The following NOL4 variants were observed in gnomAD, a reference collection of about 807,000 sequenced individuals.
NOL4 encodes the protein nucleolar protein 4.
NOL4 carries 17 observed loss-of-function variants against 75.9 expected under a neutral mutation model. The ratio of observed to expected loss-of-function variants is 0.22; its 90% CI spans 0.15 to 0.34. NOL4 has a LOEUF of 0.34. Among genes scored for constraint, NOL4 ranks in the 10% least tolerant of loss-of-function variants. The probability of loss-of-function intolerance (pLI) is 1.00; values close to 1 mark genes in which losing one functional copy is unlikely to be tolerated. For synonymous variants in NOL4, 292 were observed against 289.9 expected (o/e 1.01, Z -0.07); for missense variants, 614 against 793.5 (o/e 0.77, Z 2.72).
intron 6 of NOL4, among the ~76,000 whole-genome samples, chr18:33,992,478 G>A (rs1257723482): frequency 6.6e-6 from 1 of 151,958 alleles, no homozygotes; most frequent in Non-Finnish European, 1.5e-5. Context: ...TACAGTAAAT[G>A]AGGAAACATC....
intron 10 of NOL4, among the ~76,000 whole-genome samples, chr18:33,864,824 T>A (rs1198692879): frequency 6.6e-6 from 1 of 152,158 alleles, no homozygotes; most frequent in East Asian, 1.9e-4. Context: ...CCCAGGAAAC[T>A]TACAATCATG....
chr18:34,132,532 A>C (rs1161559485), intron 1 of NOL4, among the ~76,000 whole-genome samples: 1 of 152,180 alleles, frequency 6.6e-6, no homozygotes, highest in Non-Finnish European at 1.5e-5. Flanking sequence ...TGTTATGTGG[A>C]CCTGTTTACT....
chr18:34,045,735 A>G (rs1390703923), intron 5 of NOL4, among the ~76,000 whole-genome samples: 1 of 152,216 alleles, frequency 6.6e-6, no homozygotes, highest in Non-Finnish European at 1.5e-5. Flanking sequence ...GAAAATAGAA[A>G]TTGTTGCTAT....
At chr18:34,188,764 C>T (rs937283319) in intron 1 of NOL4, among the ~76,000 whole-genome samples, 1 of 152,256 alleles carries the variant, frequency 6.6e-6, no homozygotes, top group Middle Eastern at 3.4e-3. Flanking sequence ...ATTTTCCCAA[C>T]ATTGTACAGT....
rs568989338 is a variant in NOL4 at position 33,929,484 on chromosome 18, C to A, written c.1542+13581G>T. The stretch of plus-strand genomic sequence containing the variant: ...CAGACTTATAATTTCATTTACCATG[C>A]TAATTTCACTTATCTTTAACAGAAT... On this transcript the variant is annotated intron_variant, in intron 9 of 10. Coordinates refer to ENST00000261592, the MANE Select transcript of NOL4 (RefSeq NM_003787.5). Among the ~76,000 whole-genome samples, 6 of 152,260 alleles carry A rather than the reference C, an allele frequency of 3.9e-5. 1 individual carries two copies. In the South Asian group the frequency reaches 1.0e-3, roughly 26 times the overall value.
intron 9 of NOL4, among the ~76,000 whole-genome samples, chr18:33,887,488 G>C (rs2064817887): frequency 6.6e-6 from 1 of 151,212 alleles, no homozygotes; most frequent in East Asian, 1.9e-4. Context: ...TGTTCCATAG[G>C]AATACATGGG....
chr18:34,216,390 T>C (rs899438888), intron 1 of NOL4, among the ~76,000 whole-genome samples: 3 of 152,116 alleles, frequency 2.0e-5, no homozygotes. Flanking sequence ...ACAAATACTC[T>C]CAATTGTATA....
intron 6 of NOL4, among the ~76,000 whole-genome samples, chr18:33,968,516 A>T (rs1303595671): frequency 6.6e-6 from 1 of 152,206 alleles, no homozygotes; most frequent in Non-Finnish European, 1.5e-5. Flanking sequence ...GGGAATTAAC[A>T]CAGAAAGAGA....
chr18:33,964,371 G>A (rs947300129), intron 6 of NOL4, among the ~76,000 whole-genome samples: 1 of 151,824 alleles, frequency 6.6e-6, no homozygotes, highest in Admixed American at 6.6e-5. Context: ...TAATGATCTA[G>A]CACTGTGTGT....
intron 9 of NOL4, among the ~76,000 whole-genome samples, chr18:33,915,906 T>C (rs2066693406): frequency 6.6e-6 from 1 of 152,126 alleles, no homozygotes; most frequent in Admixed American, 6.6e-5. Flanking sequence ...ATACATGATT[T>C]CATTTAGTTT....
chr18:34,018,677 C>T (rs1398573409), intron 6 of NOL4, among the ~76,000 whole-genome samples: 1 of 151,972 alleles, frequency 6.6e-6, no homozygotes, highest in East Asian at 1.9e-4. Flanking sequence ...AAAAAGTCAG[C>T]TGGGAATGGG....
chr18:34,119,778 C>T (rs903015318), intron 2 of NOL4, among the ~76,000 whole-genome samples: 7 of 152,160 alleles, frequency 4.6e-5, no homozygotes, highest in Admixed American at 6.5e-5. Context: ...CCCGCCACCA[C>T]GCCTGGCTAA....
At chr18:34,101,283 A>G (rs555221592) in intron 4 of NOL4, among the ~76,000 whole-genome samples, 1 of 152,306 alleles carries the variant, frequency 6.6e-6, no homozygotes, top group South Asian at 2.1e-4. Context: ...TTTCTCTTCC[A>G]TGGAAGCCCT....
intron 9 of NOL4, among the ~76,000 whole-genome samples, chr18:33,909,947 A>T (rs1302160491): frequency 1.3e-5 from 2 of 152,218 alleles, no homozygotes; most frequent in Non-Finnish European, 2.9e-5. Flanking sequence ...TGAGAAAAAC[A>T]TGTAAACCGA....
chr18:34,140,128 T>C (rs918851842), intron 1 of NOL4, among the ~76,000 whole-genome samples: 2 of 152,174 alleles, frequency 1.3e-5, no homozygotes, highest in South Asian at 2.1e-4. Flanking sequence ...ATAAGTGTGA[T>C]GTGGTGCTGA....
At chr18:33,913,682 T>C (rs559015919) in intron 9 of NOL4, among the ~76,000 whole-genome samples, 1 of 152,226 alleles carries the variant, frequency 6.6e-6, no homozygotes, top group South Asian at 2.1e-4. Context: ...GTCACACAAC[T>C]ATAAGCACAG....
intron 5 of NOL4, among the ~76,000 whole-genome samples, chr18:34,044,516 C>G (rs2076278147): frequency 6.6e-6 from 1 of 151,918 alleles, no homozygotes; most frequent in Non-Finnish European, 1.5e-5. Context: ...AAGCTGTATA[C>G]TTTAAATGAA....
intron 6 of NOL4, among the ~76,000 whole-genome samples, chr18:33,986,741 T>C (rs2072490629): frequency 6.6e-6 from 1 of 152,056 alleles, no homozygotes; most frequent in Admixed American, 6.6e-5. Flanking sequence ...CATATGTTTA[T>C]AGAATCAAAA....
intron 5 of NOL4, among the ~76,000 whole-genome samples, chr18:34,093,065 C>T (rs1291375410): frequency 1.3e-5 from 2 of 152,126 alleles, no homozygotes; most frequent in Admixed American, 6.6e-5. Context: ...TTGTCTTTTA[C>T]ATAAAAGATA....
Sources: allele counts gnomAD v4.1 joint callset (sites outside exome capture counted in the v4.1 genomes callset), GRCh38; gene constraint gnomAD v4.1.1; transcripts MANE v1.5; gene names NCBI Gene and HGNC (gene_info 2026-07-23, HGNC 2026-07-21).